MTPAP: variants seen among roughly 807,000 people sequenced by gnomAD.
The protein encoded by MTPAP is mitochondrial poly(A) polymerase.
A neutral mutation model predicts 48.7 loss-of-function variants in MTPAP; 23 were observed. The observed-to-expected ratio is 0.47, with a 90% CI of 0.34 to 0.67. The LOEUF (loss-of-function observed/expected upper bound fraction) is 0.67, where lower values mean the gene tolerates loss of function less well. MTPAP is among the 30% of genes least tolerant of loss of function. MTPAP has a pLI of 0.01. For synonymous variants in MTPAP, 257 were observed against 254.1 expected, an observed-to-expected ratio of 1.01 and a Z score of -0.11; for missense variants, 614 against 694.3, an observed-to-expected ratio of 0.88 and a Z score of 1.30.
At chr10:30,330,231 T>G (rs943408630) in intron 4 of MTPAP, among the ~76,000 whole-genome samples, 5 of 152,230 alleles carry the variant, frequency 3.3e-5, no homozygotes, top group Non-Finnish European at 5.9e-5. Context: ...TTTAAAAAAT[T>G]AAAATTTCAA....
chr10:30,336,368 T>C (rs2132863209), intron 4 of MTPAP, among the ~76,000 whole-genome samples: 1 of 152,324 alleles, frequency 6.6e-6, no homozygotes, highest in Admixed American at 6.5e-5. Flanking sequence ...ATCGTATACC[T>C]ATATGTAGCT....
In MTPAP at chr10:30,309,803, T is replaced by G. The variant is rs969164123; in HGVS notation, c.*3806A>C. On this transcript the variant is annotated 3_prime_UTR_variant, in exon 9 of 9. Transcript: ENST00000263063. ...TAGGAAATGACAGCAGAAAAAAGTC[T>G]TATTTCAACTCAACTTTATTTTCCC... 1.3e-5 allele frequency: 2 copies of G among 152,224 alleles called. No homozygotes were observed. Among genetic ancestry groups the G allele is most frequent in the African/African-American group, 4.8e-5 (2 of 41,464 alleles). 9.4% of individuals were successfully genotyped at this position (152,224 alleles called of 1,614,324 possible).
At chr10:30,335,166 G>A (rs1166577753) in intron 4 of MTPAP, among the ~76,000 whole-genome samples, 1 of 152,178 alleles carries the variant, frequency 6.6e-6, no homozygotes, top group Non-Finnish European at 1.5e-5. Context: ...GAAAGATACA[G>A]CCATAGAAAC....
intron 4 of MTPAP, among the ~76,000 whole-genome samples, chr10:30,329,089 C>CAA (rs199957158): frequency 1.1e-3 from 163 of 150,472 alleles, no homozygotes; most frequent in African/African-American, 3.9e-3. Context: ...ACTAAAAATA[C>CAA]AAAAAAAAAT....
In MTPAP at chr10:30,313,277, T is replaced by A; in HGVS notation, c.*332A>T. On this transcript the variant is annotated 3_prime_UTR_variant, in exon 9 of 9. Coordinates refer to ENST00000263063, the MANE Select transcript of MTPAP (RefSeq NM_018109.4). ...GGCTTATGTTTATTTTCATTTTTTTTAGAGATGGAATCTTGCTATGTTGTC... is the reference window on the plus strand; with the variant it reads ...GGCTTATGTTTATTTTCATTTTTTTAAGAGATGGAATCTTGCTATGTTGTC... The A allele has an allele frequency of 7.5e-6, 2 of 268,424 alleles. No homozygotes were observed. Among genetic ancestry groups the A allele is most frequent in the Middle Eastern group, 1.2e-3 (1 of 808 alleles). The allele number at this position is 268,424 out of a possible 1,614,324, so 16.6% of individuals were successfully genotyped here.
chr10:30,349,110 C>T lies in MTPAP; in HGVS notation c.157+9G>A. On this transcript the variant is annotated intron_variant, in intron 1 of 8. Transcript: ENST00000263063. ...GGGACGGAACTACAGGGCAAACCGG[C>T]GCCATCACCTGTCTCCACGCTCCCT... The T allele has an allele frequency of 6.2e-7, 1 of 1,613,568 alleles. No homozygotes were observed. The highest frequency in any genetic ancestry group is 8.5e-7 in the Non-Finnish European group (1 of 1,179,770).
At chr10:30,322,275 G>T (rs1840734430) in intron 6 of MTPAP, 116 bp downstream of exon 6, 3 of 948,174 alleles carry the variant, frequency 3.2e-6, no homozygotes, top group South Asian at 1.4e-5. Flanking sequence ...TTAAAAAAAA[G>T]TCAAGACAAA....
intron 4 of MTPAP, among the ~76,000 whole-genome samples, chr10:30,333,527 C>T (rs185615054): frequency 7.2e-5 from 11 of 152,316 alleles, no homozygotes; most frequent in Admixed American, 1.3e-4. Context: ...TATTCAGTTA[C>T]AATCCTTTAT....
At chr10:30,340,139 T>C in intron 3 of MTPAP, 87 bp downstream of exon 3, 1 of 1,135,710 alleles carries the variant, frequency 8.8e-7, no homozygotes, top group Non-Finnish European at 1.3e-6. Context: ...CATTAAACAA[T>C]AATGTAGCTT....
intron 4 of MTPAP, among the ~76,000 whole-genome samples, chr10:30,336,594 T>C (rs1351420992): frequency 6.6e-6 from 1 of 152,220 alleles, no homozygotes; most frequent in East Asian, 1.9e-4. Context: ...TGATTGCATA[T>C]CTACAGAATA....
At chr10:30,344,052 C>CTT (rs201892705) in intron 1 of MTPAP, among the ~76,000 whole-genome samples, 1 of 149,648 alleles carries the variant, frequency 6.7e-6, no homozygotes, top group East Asian at 1.9e-4. Context: ...ATAAAATGGT[C>CTT]TTTTTTTTTT....
At chr10:30,332,781 G>T (rs1345683210) in intron 4 of MTPAP, among the ~76,000 whole-genome samples, 1 of 151,448 alleles carries the variant, frequency 6.6e-6, no homozygotes, top group African/African-American at 2.4e-5. Flanking sequence ...CCAGGTGTTC[G>T]AGACTATCCT....
intron 6 of MTPAP, among the ~76,000 whole-genome samples, chr10:30,317,949 C>A (rs1489001733): frequency 6.6e-6 from 1 of 152,054 alleles, no homozygotes; most frequent in Non-Finnish European, 1.5e-5. Flanking sequence ...CTTCCGCGTC[C>A]CGGCTTCAAG....
intron 3 of MTPAP, among the ~76,000 whole-genome samples, chr10:30,339,285 G>C (rs1028574242): frequency 6.6e-6 from 1 of 152,028 alleles, no homozygotes; most frequent in Non-Finnish European, 1.5e-5. Flanking sequence ...TCAGGAGTTC[G>C]AGACCAGCCT....
At position 30,349,235 on chromosome 10, in the gene MTPAP, A is replaced by T. The variant is rs112431097; in HGVS notation, c.41T>A (p.Leu14Gln). ...PGVGLLTRLN[L>Q]CARRRTRVQR... ...GACTCGAGTTCTTCTCCGGGCACAC[A>T]GGTTCAAACGGGTCAAGAGCCCCAC... The change falls in exon 1 of 9, where the codon CTG becomes CAG. Residue 14 changes from leucine to glutamine, a missense_variant. By Grantham distance (113) the Leu-to-Gln change is moderately radical. Transcript: ENST00000263063. The T allele has an allele frequency of 3.8e-6, 6 of 1,583,240 alleles. No individual in the cohort carries two copies. Among genetic ancestry groups the T allele is most frequent in the Non-Finnish European group, 5.2e-6 (6 of 1,162,974 alleles).
chr10:30,326,678 A>T, intron 4 of MTPAP, 43 bp from the exon 5 acceptor site: 4 of 1,494,892 alleles, frequency 2.7e-6, no homozygotes, highest in Non-Finnish European at 3.7e-6. Flanking sequence ...TTTGGTAAAA[A>T]AAACAATTTT....
chr10:30,332,608 G>GTTTA (rs1286629032), intron 4 of MTPAP, among the ~76,000 whole-genome samples: 1 of 152,000 alleles, frequency 6.6e-6, no homozygotes, highest in Non-Finnish European at 1.5e-5. Context: ...ATGCCTAATT[G>GTTTA]TTTAGTAAGA....
At chr10:30,323,377 G>T (rs1331360693) in intron 5 of MTPAP, among the ~76,000 whole-genome samples, 1 of 149,502 alleles carries the variant, frequency 6.7e-6, no homozygotes, top group East Asian at 2.0e-4. Context: ...ACTTGAACCC[G>T]GGAGGCGGAG....
Position 30,340,632 on chromosome 10 carries a change from C to A in MTPAP, c.331-182G>T, listed in dbSNP as rs2132868229. Among the ~76,000 whole-genome samples the A allele has an allele frequency of 3.3e-5, 5 of 152,118 alleles. No individual in the cohort carries two copies. The Middle Eastern group carries it at 0.017, about 521-fold the overall frequency. ...AATTTAAGTAGATGAAGAAAAGGAA[C>A]ACTGGGCCGGGCGCAGTGGCTCACG... is the stretch of plus-strand genomic sequence containing the variant. On this transcript the variant is annotated intron_variant, in intron 2 of 8. Transcript: ENST00000263063.
Sources: gnomAD v4.1 joint callset for allele counts (sites outside exome capture counted in the v4.1 genomes callset) on GRCh38, gnomAD v4.1.1 for gene constraint, MANE v1.5 for transcripts, NCBI Gene and HGNC (gene_info 2026-07-23, HGNC 2026-07-21) for gene names.